The following TENM3 variants were observed in gnomAD, a reference collection of about 807,000 sequenced individuals.
The protein encoded by TENM3 is teneurin transmembrane protein 3.
In TENM3, 63 loss-of-function variants were observed where a neutral mutation model predicts 255.1. That is an observed-to-expected ratio of 0.25 (90% CI 0.20 to 0.30). The LOEUF (loss-of-function observed/expected upper bound fraction) is 0.30, where lower values mean the gene tolerates loss of function less well. TENM3 is among the 10% of genes least tolerant of loss of function. The probability of loss-of-function intolerance (pLI) is 1.00; values close to 1 mark genes in which losing one functional copy is unlikely to be tolerated. For missense variants in TENM3, 2,929 were observed against 3,461.1 expected, an observed-to-expected ratio of 0.85 and a Z score of 3.86; for synonymous variants, 1,306 against 1,322.3, an observed-to-expected ratio of 0.99 and a Z score of 0.27.
chr4:182,122,606 C>A, the TENM3 span, among the ~76,000 whole-genome samples: 6 of 152,122 alleles, frequency 3.9e-5, no homozygotes, highest in Non-Finnish European at 4.4e-5. Context: ...TTCCAATAAA[C>A]CATGGTGTAA....
chr4:182,562,163 T>G (rs1330218078), intron 3 of TENM3, among the ~76,000 whole-genome samples: 1 of 152,182 alleles, frequency 6.6e-6, no homozygotes, highest in East Asian at 1.9e-4. Flanking sequence ...TAGGCAACCT[T>G]AGGCTGTATA....
chr4:181,880,658 G>T, the TENM3 span, among the ~76,000 whole-genome samples: 1 of 152,116 alleles, frequency 6.6e-6, no homozygotes, highest in Admixed American at 6.6e-5. Flanking sequence ...AATAGTCCAT[G>T]GCACTTTAGT....
chr4:182,643,864 T>A (rs1168603424), intron 5 of TENM3, among the ~76,000 whole-genome samples: 1 of 152,166 alleles, frequency 6.6e-6, no homozygotes, highest in Non-Finnish European at 1.5e-5. Flanking sequence ...AGTTTTGAGG[T>A]TTGGGAGACT....
intron 3 of TENM3, among the ~76,000 whole-genome samples, chr4:182,383,630 C>G (rs1158383046): frequency 6.6e-6 from 1 of 151,992 alleles, no homozygotes; most frequent in Non-Finnish European, 1.5e-5. Context: ...CCATCCCTCC[C>G]TCCCCCCATT....
intron 1 of TENM3, among the ~76,000 whole-genome samples, chr4:182,207,709 T>A (rs750676405): frequency 3.3e-5 from 5 of 152,160 alleles, no homozygotes; most frequent in Non-Finnish European, 7.4e-5. Context: ...TGTAAAAGCT[T>A]GGGAAAAATA....
chr4:182,441,655 G>A (rs1030619000), intron 3 of TENM3, among the ~76,000 whole-genome samples: 16 of 152,066 alleles, frequency 1.1e-4, no homozygotes, highest in Non-Finnish European at 4.4e-5. Context: ...GTGCCACCAC[G>A]CCCAGCTAAT....
At chr4:182,514,066 C>G (rs563295950) in intron 3 of TENM3, among the ~76,000 whole-genome samples, 58 of 152,356 alleles carry the variant, frequency 3.8e-4, no homozygotes, top group Admixed American at 3.4e-3. Flanking sequence ...TTTTGTGGCC[C>G]TGTTGGGGCG....
chr4:181,464,619 T>C, the TENM3 span, among the ~76,000 whole-genome samples: 10 of 152,268 alleles, frequency 6.6e-5, 1 homozygote, highest in African/African-American at 2.4e-4. Context: ...ATTTTCTTAA[T>C]TATTTTCTTA....
At chr4:181,552,055 A>AGT in the TENM3 span, among the ~76,000 whole-genome samples, 3 of 151,418 alleles carry the variant, frequency 2.0e-5, no homozygotes, top group Non-Finnish European at 4.4e-5. Context: ...AGAGAGAGAC[A>AGT]GTGTGTGTGT....
At chr4:181,850,841 T>A in the TENM3 span, among the ~76,000 whole-genome samples, 1 of 152,170 alleles carries the variant, frequency 6.6e-6, no homozygotes, top group South Asian at 2.1e-4. Flanking sequence ...TACCTTTCTC[T>A]TAAAATAGTT....
the TENM3 span, among the ~76,000 whole-genome samples, chr4:181,981,831 C>T: frequency 2.0e-5 from 3 of 152,170 alleles, no homozygotes; most frequent in Non-Finnish European, 4.4e-5. Context: ...ACGGTTACTA[C>T]TCCAGGCTTC....
the TENM3 span, among the ~76,000 whole-genome samples, chr4:181,564,646 C>A: frequency 1.3e-5 from 2 of 152,124 alleles, no homozygotes; most frequent in Non-Finnish European, 2.9e-5. Flanking sequence ...TTCCTCCTCC[C>A]CCATCTGTCT....
intron 1 of TENM3, among the ~76,000 whole-genome samples, chr4:182,288,936 A>G (rs998351311): frequency 6.6e-6 from 1 of 152,206 alleles, no homozygotes; most frequent in African/African-American, 2.4e-5. Flanking sequence ...TTAAAGATTC[A>G]TGCGAGGGCC....
At chr4:182,369,835 G>A (rs1476090720) in intron 3 of TENM3, among the ~76,000 whole-genome samples, 4 of 152,174 alleles carry the variant, frequency 2.6e-5, no homozygotes, top group Non-Finnish European at 4.4e-5. Flanking sequence ...CCAAGATCAC[G>A]CCACTGCACT....
chr4:182,605,784 T>C (rs1468284001), intron 4 of TENM3, among the ~76,000 whole-genome samples: 1 of 152,168 alleles, frequency 6.6e-6, no homozygotes, highest in East Asian at 1.9e-4. Flanking sequence ...CTTAATTCAG[T>C]GCCTAAGCTC....
chr4:182,193,818 T>C (rs1025877277), intron 1 of TENM3, among the ~76,000 whole-genome samples: 3 of 152,230 alleles, frequency 2.0e-5, no homozygotes, highest in African/African-American at 7.2e-5. Flanking sequence ...GCTTTTATTA[T>C]AGTTACATAA....
the TENM3 span, among the ~76,000 whole-genome samples, chr4:182,064,471 T>C: frequency 6.6e-6 from 1 of 152,020 alleles, no homozygotes; most frequent in Non-Finnish European, 1.5e-5. Flanking sequence ...CCAGCTACTC[T>C]ACTCGGGAGG....
rs185921988 is a variant in TENM3 at position 182,380,892 on chromosome 4, C to T, written c.511+33963C>T. Among the ~76,000 whole-genome samples, 189 of 152,294 alleles carry T rather than the reference C, an allele frequency of 1.2e-3. 1 individual carries two copies. The highest frequency in any genetic ancestry group is 0.01 in the Middle Eastern group (3 of 294). ...CTTCTTGAAAGTCTCTACCACATAC[C>T]CTCTTTGCCTTCCTGACCTCATATG... On this transcript the variant is annotated intron_variant, in intron 3 of 27. Transcript: ENST00000511685.
chr4:182,123,373 G>A, the TENM3 span, among the ~76,000 whole-genome samples: 34 of 152,226 alleles, frequency 2.2e-4, no homozygotes, highest in East Asian at 3.7e-3. Context: ...CTTTGTACCC[G>A]CCTTCCTCAC....
Sources: gnomAD v4.1 joint callset for allele counts (sites outside exome capture counted in the v4.1 genomes callset) on GRCh38, gnomAD v4.1.1 for gene constraint, MANE v1.5 for transcripts, NCBI Gene and HGNC (gene_info 2026-07-23, HGNC 2026-07-21) for gene names.